Variants in TULP3 observed in about 807,000 individuals in gnomAD.
The protein encoded by TULP3 is TUB like protein 3.
TULP3 carries 38 observed loss-of-function variants against 50.7 expected under a neutral mutation model. The ratio of observed to expected loss-of-function variants is 0.75; its 90% CI spans 0.58 to 0.98. The LOEUF (loss-of-function observed/expected upper bound fraction) is 0.98. Among genes scored for constraint, TULP3 ranks in the 50% least tolerant of loss-of-function variants. TULP3 has a pLI of 0.00. For missense variants in TULP3, 550 were observed against 568.0 expected (o/e 0.97, Z 0.32); for synonymous variants, 183 against 196.6 (o/e 0.93, Z 0.58).
At chr12:2,903,186 A>G (rs983262774) in intron 1 of TULP3, among the ~76,000 whole-genome samples, 1 of 152,110 alleles carries the variant, frequency 6.6e-6, no homozygotes. Context: ...AAAGGTAGCC[A>G]GTCCACAACA....
In TULP3 at chr12:2,940,149, G is replaced by T. The variant is rs1473640153; in HGVS notation, c.*705G>T. On this transcript the variant is annotated 3_prime_UTR_variant, in exon 11 of 11. Coordinates refer to ENST00000448120, the MANE Select transcript of TULP3 (RefSeq NM_003324.5). ...AAGCATAAACTCTAGAGGTGACTCAGTCAGGACTGACAGTAATGTGATAAT... is the reference window on the plus strand; with the variant it reads ...AAGCATAAACTCTAGAGGTGACTCATTCAGGACTGACAGTAATGTGATAAT... 7.7e-7 allele frequency: 1 copy of T among 1,297,724 alleles called. No individual in the cohort carries two copies. Among genetic ancestry groups the T allele is most frequent in the Non-Finnish European group, 1.0e-6 (1 of 994,858 alleles). 80.4% of individuals were successfully genotyped at this position (1,297,724 alleles called of 1,614,324 possible).
chr12:2,921,447 G>A (rs2098191712), intron 3 of TULP3, among the ~76,000 whole-genome samples: 1 of 152,146 alleles, frequency 6.6e-6, no homozygotes, highest in African/African-American at 2.4e-5. Flanking sequence ...GGCAAGAACT[G>A]TTGTTTTCTA....
At chr12:2,901,593 G>A (rs1056080054) in intron 1 of TULP3, among the ~76,000 whole-genome samples, 1 of 151,830 alleles carries the variant, frequency 6.6e-6, no homozygotes, top group African/African-American at 2.4e-5. Context: ...ATGTTGGCCA[G>A]GCTGGTCTCC....
intron 2 of TULP3, among the ~76,000 whole-genome samples, chr12:2,920,428 G>A (rs149463760): frequency 1.1e-4 from 16 of 152,038 alleles, no homozygotes; most frequent in East Asian, 7.7e-4. Context: ...AGGATTGGGC[G>A]TGCCTTGGAG....
chr12:2,909,556 G>A lies in TULP3; in HGVS notation c.69G>A (p.Met23Ile). Residue 23 changes from methionine to isoleucine, a missense_variant, in exon 2 of 11, where the codon ATG (methionine) becomes ATA (isoleucine). By Grantham distance (10) the Met-to-Ile change is conservative. Transcript: ENST00000448120. ...DSVFHEEMMK[M>I]RQAKLDYQRL... ...TCTTCCATGAAGAAATGATGAAGAT[G>A]CGACAGGCTAAGCTGGATTATCAGG... The A allele has an allele frequency of 1.3e-6, 2 of 1,574,760 alleles. No individual in the cohort carries two copies. The highest frequency in any genetic ancestry group is 1.7e-6 in the Non-Finnish European group (2 of 1,168,814).
intron 8 of TULP3, among the ~76,000 whole-genome samples, chr12:2,935,897 A>AGGG (rs1392861299): frequency 6.6e-6 from 1 of 151,928 alleles, no homozygotes; most frequent in Admixed American, 6.6e-5. Flanking sequence ...GAGTCTTAGG[A>AGGG]GGGTCGAGGC....
rs148428235 is a variant in TULP3, at chr12:2,916,729, C to G, written c.94-4034C>G. On this transcript the variant is annotated intron_variant, in intron 2 of 10. Transcript: ENST00000448120. ...ACATTCAAACACAAGTAGCACTTCT[C>G]TCCTCCCCCATCCAAACTGCATGAC... is the stretch of plus-strand genomic sequence containing the variant. Among the ~76,000 whole-genome samples, 22 of 152,334 alleles carry G rather than the reference C, an allele frequency of 1.4e-4. 1 individual carries two copies. The East Asian group carries it at 4.1e-3, about 28-fold the overall frequency.
intron 2 of TULP3, among the ~76,000 whole-genome samples, chr12:2,910,838 G>A (rs935300281): frequency 1.4e-4 from 22 of 152,232 alleles, no homozygotes; most frequent in Admixed American, 8.5e-4. Flanking sequence ...CCCTCTGCCC[G>A]CAGAGATCAC....
chr12:2,899,797 G>A (rs958564293), intron 1 of TULP3, among the ~76,000 whole-genome samples: 28 of 151,804 alleles, frequency 1.8e-4, no homozygotes, highest in Middle Eastern at 6.8e-3. Flanking sequence ...GGAGGCTGAG[G>A]CAGGAGAATG....
chr12:2,913,155 A>G (rs1365573554), intron 2 of TULP3, among the ~76,000 whole-genome samples: 2 of 143,816 alleles, frequency 1.4e-5, no homozygotes, highest in Non-Finnish European at 3.0e-5. Context: ...GTGGTATCTC[A>G]TTGTAGTTTT....
chr12:2,890,905 G>A lies in TULP3; in HGVS notation c.-43G>A, dbSNP rs1338037400. 2 of 1,554,390 alleles carry A rather than the reference G, an allele frequency of 1.3e-6. No individual in the cohort carries two copies. The highest frequency in any genetic ancestry group is 1.9e-5 in the Admixed American group (1 of 51,410). ...CCAGCCTAGCCACTCTAGCGACGGC[G>A]GGGAAGAGTGTGTACGTGGTGGGGG... On this transcript the variant is annotated 5_prime_UTR_variant, in exon 1 of 11. Coordinates refer to ENST00000448120, the MANE Select transcript of TULP3 (RefSeq NM_003324.5).
At chr12:2,899,753 T>C (rs370637554) in intron 1 of TULP3, among the ~76,000 whole-genome samples, 2 of 150,510 alleles carry the variant, frequency 1.3e-5, no homozygotes, top group African/African-American at 2.4e-5. Flanking sequence ...ATTAGCCGGG[T>C]GTGGTGGCAG....
chr12:2,916,968 G>T (rs932956509), intron 2 of TULP3, among the ~76,000 whole-genome samples: 3 of 152,094 alleles, frequency 2.0e-5, no homozygotes, highest in African/African-American at 7.2e-5. Context: ...CAGATACCTT[G>T]GCAGGAACAC....
At chr12:2,893,344 T>TC (rs368484602) in intron 1 of TULP3, among the ~76,000 whole-genome samples, 9 of 151,114 alleles carry the variant, frequency 6.0e-5, no homozygotes, top group African/African-American at 2.2e-4. Context: ...TTTTTTTTTT[T>TC]CCAAACGGAG....
chr12:2,902,072 A>T (rs965374654), intron 1 of TULP3, among the ~76,000 whole-genome samples: 1 of 152,130 alleles, frequency 6.6e-6, no homozygotes, highest in Non-Finnish European at 1.5e-5. Flanking sequence ...CACACATACT[A>T]TGTTTATTTC....
chr12:2,898,018 T>C (rs1056438186), intron 1 of TULP3, among the ~76,000 whole-genome samples: 1 of 141,294 alleles, frequency 7.1e-6, no homozygotes, highest in African/African-American at 2.7e-5. Context: ...GCAGAGGTTA[T>C]AGTGAGCCAA....
chr12:2,892,478 G>C (rs1393810280), intron 1 of TULP3, among the ~76,000 whole-genome samples: 1 of 151,992 alleles, frequency 6.6e-6, no homozygotes, highest in Non-Finnish European at 1.5e-5. Context: ...AACGGGATGC[G>C]GGATTGACTT....
chr12:2,917,867 ACT>A (rs2098189601), intron 2 of TULP3, among the ~76,000 whole-genome samples: 2 of 141,326 alleles, frequency 1.4e-5, no homozygotes, highest in South Asian at 4.6e-4. Context: ...ACAGTGCAAG[ACT>A]CTGTCTCAAA....
intron 4 of TULP3, among the ~76,000 whole-genome samples, chr12:2,926,768 G>A (rs1156675089): frequency 7.3e-5 from 3 of 41,208 alleles, no homozygotes; most frequent in East Asian, 2.0e-3. Flanking sequence ...GCCAGGTGTG[G>A]TGGTGGTGGG....
Sources: allele counts gnomAD v4.1 joint callset (sites outside exome capture counted in the v4.1 genomes callset), GRCh38; gene constraint gnomAD v4.1.1; transcripts MANE v1.5; gene names NCBI Gene and HGNC (gene_info 2026-07-23, HGNC 2026-07-21).